ABCB11: variants seen among roughly 807,000 people sequenced by gnomAD.
ABCB11 encodes the protein ATP binding cassette subfamily B member 11, also known as bile salt export pump.
ABCB11 carries 95 observed loss-of-function variants against 148.0 expected under a neutral mutation model. The ratio of observed to expected loss-of-function variants is 0.64; its 90% confidence interval spans 0.54 to 0.76. The LOEUF is 0.76. ABCB11 is among the 30% of genes least tolerant of loss of function. The pLI, the probability that ABCB11 is intolerant of heterozygous loss-of-function variation, is 0.00. For synonymous variants in ABCB11, 591 were observed against 555.4 expected (o/e 1.06, Z -0.90); for missense variants, 1,523 against 1,617.8 (o/e 0.94, Z 1.01).
chr2:168,963,692 A>G (rs550629128), intron 18 of ABCB11, among the ~76,000 whole-genome samples: 62 of 151,930 alleles, frequency 4.1e-4, no homozygotes, highest in African/African-American at 1.5e-3. Flanking sequence ...TATGAAATCA[A>G]CAAATGTCTG....
At chr2:168,950,721 G>C (rs977257023) in intron 19 of ABCB11, among the ~76,000 whole-genome samples, 1 of 151,770 alleles carries the variant, frequency 6.6e-6, no homozygotes, top group African/African-American at 2.4e-5. Flanking sequence ...CTCCAATTGT[G>C]TAAGTTGTTT....
intron 21 of ABCB11, among the ~76,000 whole-genome samples, chr2:168,944,095 T>G (rs1692192801): frequency 6.6e-6 from 1 of 151,958 alleles, no homozygotes; most frequent in African/African-American, 2.4e-5. Flanking sequence ...TCTGTCTACC[T>G]TAATCAGAAA....
At chr2:168,994,449 T>C (rs749743473) in intron 7 of ABCB11, among the ~76,000 whole-genome samples, 2 of 152,138 alleles carry the variant, frequency 1.3e-5, no homozygotes, top group East Asian at 1.9e-4. Flanking sequence ...CAGACTCTTG[T>C]TGGGCAAGTT....
chr2:169,016,819 A>G lies in ABCB11; in HGVS notation c.77-20T>C, dbSNP rs750412192. 25 of 1,578,078 alleles carry G rather than the reference A, an allele frequency of 1.6e-5. No individual in the cohort carries two copies. The highest frequency in any genetic ancestry group is 1.3e-4 in the South Asian group (11 of 84,982). On this transcript the variant is annotated intron_variant, in intron 2 of 27. Coordinates refer to ENST00000650372, the MANE Select transcript of ABCB11 (RefSeq NM_003742.4). ...TATTATCTGTCAGAAAAAAAAATCA[A>G]CGCAAAAAAGCAGTTAATAATAATG... is the stretch of plus-strand genomic sequence containing the variant.
chr2:168,959,952 A>G (rs1334828662), intron 18 of ABCB11, among the ~76,000 whole-genome samples: 1 of 151,306 alleles, frequency 6.6e-6, no homozygotes, highest in African/African-American at 2.4e-5. Context: ...AAAAAAAAAA[A>G]AAAAAAACCC....
chr2:168,975,865 G>A (rs956570656), intron 12 of ABCB11, among the ~76,000 whole-genome samples: 5 of 137,972 alleles, frequency 3.6e-5, no homozygotes, highest in African/African-American at 5.4e-5. Flanking sequence ...TAACAAAATG[G>A]GATTTAGTTC....
intron 21 of ABCB11, 147 bp from the exon 22 acceptor site, chr2:168,936,580 T>G: frequency 1.4e-6 from 1 of 733,428 alleles, no homozygotes. Flanking sequence ...AGTGTACAAT[T>G]CAGTGGCATT....
At chr2:169,014,417 A>T in intron 3 of ABCB11, 63 bp from the exon 4 acceptor site, 2 of 1,491,178 alleles carry the variant, frequency 1.3e-6, no homozygotes, top group Admixed American at 3.6e-5. Flanking sequence ...AATTCTCCCT[A>T]GGTGGTGATT....
intron 1 of ABCB11, among the ~76,000 whole-genome samples, chr2:169,026,056 TGTGG>T (rs1421413197): frequency 6.6e-6 from 1 of 152,232 alleles, no homozygotes; most frequent in African/African-American, 2.4e-5. Flanking sequence ...TTTGGTATTT[TGTGG>T]GTTGCACAGT....
At chr2:168,945,573 C>T (rs2105914043) in intron 19 of ABCB11, among the ~76,000 whole-genome samples, 1 of 141,962 alleles carries the variant, frequency 7.0e-6, no homozygotes, top group East Asian at 2.1e-4. Flanking sequence ...GAAGGAGGGA[C>T]AGAAGAAGGA....
intron 23 of ABCB11, 26 bp from the exon 24 acceptor site, chr2:168,932,559 GA>G: frequency 6.2e-7 from 1 of 1,611,058 alleles, no homozygotes; most frequent in East Asian, 2.2e-5. Context: ...CACACAGGAA[GA>G]GAGCAGGGTG....
intron 8 of ABCB11, 124 bp from the exon 9 acceptor site, chr2:168,991,049 CATT>C: frequency 2.5e-6 from 3 of 1,177,542 alleles, no homozygotes; most frequent in African/African-American, 1.5e-5. Flanking sequence ...ACTGTAACAT[CATT>C]GACAGGAGGA....
At chr2:168,984,833 A>G (rs1694259477) in intron 10 of ABCB11, among the ~76,000 whole-genome samples, 1 of 152,172 alleles carries the variant, frequency 6.6e-6, no homozygotes, top group Non-Finnish European at 1.5e-5. Context: ...AAATTTCTAG[A>G]AGATAACATT....
intron 1 of ABCB11, among the ~76,000 whole-genome samples, chr2:169,028,406 A>G (rs1695764575): frequency 6.6e-6 from 1 of 152,096 alleles, no homozygotes; most frequent in Non-Finnish European, 1.5e-5. Flanking sequence ...AAGGCTCTGG[A>G]GCAAGTGCTT....
At chr2:168,980,534 T>G (rs536452134) in intron 10 of ABCB11, among the ~76,000 whole-genome samples, 17 of 152,294 alleles carry the variant, frequency 1.1e-4, no homozygotes, top group African/African-American at 4.1e-4. Flanking sequence ...CAGGTATGTT[T>G]CTAAGTGTTT....
At chr2:169,029,598 T>TA (rs1695800177) in intron 1 of ABCB11, among the ~76,000 whole-genome samples, 1 of 152,116 alleles carries the variant, frequency 6.6e-6, no homozygotes. Flanking sequence ...ATTGGCCACG[T>TA]AAGTCCTTTC....
rs1036187822 is a variant in ABCB11, at chr2:168,923,692, G to T, written c.3896C>A (p.Thr1299Asn). ...MAQGVVIEKG[T>N]HEELMAQKGA... ...TTTTTGGGCCATCAGTTCTTCATGG[G>T]TCCCCTTTTCAATCACCACCCCCTG... Residue 1299 changes from threonine to asparagine, a missense_variant, in exon 28 of 28, where the codon ACC (threonine) becomes AAC (asparagine). By Grantham distance (65) the Thr-to-Asn change is moderately conservative (BLOSUM62 0). Transcript: ENST00000650372. 6 of 1,613,680 alleles carry T rather than the reference G, an allele frequency of 3.7e-6. No individual in the cohort carries two copies. Among genetic ancestry groups the T allele is most frequent in the Non-Finnish European group, 4.2e-6 (5 of 1,179,828 alleles).
chr2:169,009,406 T>G (rs974012069), intron 5 of ABCB11, among the ~76,000 whole-genome samples: 4 of 151,838 alleles, frequency 2.6e-5, no homozygotes, highest in African/African-American at 9.7e-5. Flanking sequence ...CCATAAAAAA[T>G]GATGAGTTCA....
At position 168,936,262 on chromosome 2, in the gene ABCB11, G is replaced by A. The variant is rs756529333; in HGVS notation, c.2782C>T (p.Arg928Ter). The A allele has an allele frequency of 3.7e-6, 6 of 1,613,670 alleles. No homozygotes were observed. The African/African-American group carries it at 4.0e-5, about 11-fold the overall frequency. Residue 928 changes from arginine to a stop codon, truncating the protein, a stop_gained, in exon 22 of 28, where the codon CGA (arginine) becomes TGA (stop). Coordinates refer to ENST00000650372, the MANE Select transcript of ABCB11 (RefSeq NM_003742.4). LOFTEE classifies it high-confidence loss of function. ...ACCATCTCCAGGGCCTGCTTATCTCGAGAGGCAAATCCTGTCAACATCCTG... is the reference window on the plus strand; with the variant it reads ...ACCATCTCCAGGGCCTGCTTATCTCAAGAGGCAAATCCTGTCAACATCCTG... ...QTRMLTGFAS[R>*]DKQALEMVGQ...
Sources: allele counts gnomAD v4.1 joint callset (sites outside exome capture counted in the v4.1 genomes callset), GRCh38; gene constraint gnomAD v4.1.1; transcripts MANE v1.5; gene names NCBI Gene and HGNC (gene_info 2026-07-23, HGNC 2026-07-21).